The following PIK3CA variants were observed in gnomAD, a reference collection of about 807,000 sequenced individuals.
PIK3CA encodes phosphatidylinositol 4,5-bisphosphate 3-kinase catalytic subunit alpha isoform.
A neutral mutation model predicts 138.2 loss-of-function variants in PIK3CA; 27 were observed. The ratio of observed to expected loss-of-function variants is 0.20; its 90% CI spans 0.14 to 0.27. PIK3CA has a LOEUF of 0.27. Among genes scored for constraint, PIK3CA ranks in the 10% least tolerant of loss-of-function variants. The pLI, the probability that PIK3CA is intolerant of heterozygous loss-of-function variation, is 1.00. For synonymous variants in PIK3CA, 358 were observed against 413.2 expected (o/e 0.87, Z 1.62); for missense variants, 544 against 1,277.4 (o/e 0.43, Z 8.75).
At chr3:179,226,071 G>A (rs1216114680) in intron 17 of PIK3CA, 31 bp downstream of exon 17, 2 of 1,215,394 alleles carry the variant, frequency 1.6e-6, no homozygotes, top group East Asian at 2.3e-5. Flanking sequence ...CCTGTATGTT[G>A]AAAGTTATCC....
rs535486192 is a variant in PIK3CA, at chr3:179,217,538, A to T, written c.1540-672A>T. 2.0e-5 allele frequency among the ~76,000 whole-genome samples: 3 copies of T among 152,214 alleles called. No individual in the cohort carries two copies. In the South Asian group the frequency reaches 6.2e-4, roughly 32 times the overall value. ...TTTTTAGCCTTTTAAAAATATATGT[A>T]ACCCATCCTAAGGGGTTTATATTTG... On this transcript the variant is annotated intron_variant, in intron 9 of 20. Transcript: ENST00000263967.
chr3:179,162,315 A>G lies in PIK3CA; in HGVS notation c.-77+13712A>G, dbSNP rs76824159. On this transcript the variant is annotated intron_variant, in intron 1 of 20. Coordinates refer to ENST00000263967, the MANE Select transcript of PIK3CA (RefSeq NM_006218.4). ...ATTTCTACTTGTAGAAATTATCTACAAGTAGATAAACACATTATCTAAACA... is the reference window on the plus strand; with the variant it reads ...ATTTCTACTTGTAGAAATTATCTACGAGTAGATAAACACATTATCTAAACA... 1.4e-4 allele frequency among the ~76,000 whole-genome samples: 21 copies of G among 152,222 alleles called. 1 individual carries two copies. In the East Asian group the frequency reaches 3.7e-3, roughly 27 times the overall value.
rs541321170 is a variant in PIK3CA at position 179,234,915 on chromosome 3, G to A, written c.*551G>A. The A allele has an allele frequency of 4.4e-6, 1 of 227,412 alleles. No homozygotes were observed. Among genetic ancestry groups the A allele is most frequent in the African/African-American group, 2.2e-5 (1 of 45,032 alleles). 14.1% of individuals were successfully genotyped at this position (227,412 alleles called of 1,614,324 possible). A position where few individuals can be genotyped will look rare whatever the true frequency, so the allele number is the denominator to read the frequency against. ...GACTGCTTGTTTAATGAAGAAAAATGCTTGGGGTGGAAGGGACTCTTGAGA... is the reference window on the plus strand; with the variant it reads ...GACTGCTTGTTTAATGAAGAAAAATACTTGGGGTGGAAGGGACTCTTGAGA... On this transcript the variant is annotated 3_prime_UTR_variant, in exon 21 of 21. Coordinates refer to ENST00000263967, the MANE Select transcript of PIK3CA (RefSeq NM_006218.4). This position sits in a 1 kb window ranked among gnomAD's most constrained non-coding sequence, Gnocchi z 5.1.
intron 1 of PIK3CA, among the ~76,000 whole-genome samples, chr3:179,182,954 C>G (rs1723885761): frequency 6.6e-6 from 1 of 152,196 alleles, no homozygotes; most frequent in African/African-American, 2.4e-5. Flanking sequence ...GCTTACATGA[C>G]TTCACATTGT....
At chr3:179,170,926 T>A (rs753528095) in intron 1 of PIK3CA, among the ~76,000 whole-genome samples, 3 of 152,082 alleles carry the variant, frequency 2.0e-5, no homozygotes, top group Non-Finnish European at 4.4e-5. Context: ...AAGACAGGAA[T>A]AAAGCAATCA....
chr3:179,186,039 T>G (rs1298955388), intron 1 of PIK3CA, among the ~76,000 whole-genome samples: 2 of 152,196 alleles, frequency 1.3e-5, no homozygotes, highest in Non-Finnish European at 2.9e-5. Context: ...AAAGCCCCAG[T>G]TCTTTAATCT....
At chr3:179,164,548 A>G (rs921757684) in intron 1 of PIK3CA, among the ~76,000 whole-genome samples, 1 of 152,174 alleles carries the variant, frequency 6.6e-6, no homozygotes, top group Non-Finnish European at 1.5e-5. Context: ...TAATTTAATA[A>G]TATCATTACT....
intron 1 of PIK3CA, among the ~76,000 whole-genome samples, chr3:179,190,126 T>C (rs1463991675): frequency 2.0e-5 from 3 of 152,184 alleles, no homozygotes; most frequent in Non-Finnish European, 4.4e-5. Flanking sequence ...CCAAATGGTC[T>C]CTTGAGTGCT....
At chr3:179,164,894 GA>G (rs1356609927) in intron 1 of PIK3CA, among the ~76,000 whole-genome samples, 1 of 151,652 alleles carries the variant, frequency 6.6e-6, no homozygotes, top group African/African-American at 2.4e-5. Context: ...AAAGAAAAAA[GA>G]AATTTCTGCT....
intron 1 of PIK3CA, among the ~76,000 whole-genome samples, chr3:179,151,708 A>G (rs1723018387): frequency 6.6e-6 from 1 of 152,152 alleles, no homozygotes; most frequent in Non-Finnish European, 1.5e-5. Flanking sequence ...CTACTCCTGC[A>G]GCTCCCTTGG....
intron 1 of PIK3CA, among the ~76,000 whole-genome samples, chr3:179,193,201 T>C (rs1471465385): frequency 2.6e-5 from 4 of 152,292 alleles, no homozygotes; most frequent in African/African-American, 9.6e-5. Context: ...TACAGTAACT[T>C]TTAACAGTAA....
intron 1 of PIK3CA, among the ~76,000 whole-genome samples, chr3:179,179,166 A>G (rs1414888722): frequency 1.3e-5 from 2 of 152,250 alleles, no homozygotes; most frequent in Non-Finnish European, 2.9e-5. Context: ...CTGCAAGTTT[A>G]CAACCTAGCA....
chr3:179,187,565 A>C (rs1724021436), intron 1 of PIK3CA, among the ~76,000 whole-genome samples: 3 of 150,168 alleles, frequency 2.0e-5, no homozygotes, highest in Non-Finnish European at 3.0e-5. Flanking sequence ...AAAGAGAGAA[A>C]CGGATCCTTT....
chr3:179,236,779 T>G lies in PIK3CA; in HGVS notation c.*2415T>G, dbSNP rs1725340978. 9.3e-6 allele frequency: 2 copies of G among 214,666 alleles called. No individual in the cohort carries two copies. Among genetic ancestry groups the G allele is most frequent in the East Asian group, 1.4e-4 (2 of 14,242 alleles). The allele number at this position is 214,666 out of a possible 1,614,324, so 13.3% of individuals were successfully genotyped here. On this transcript the variant is annotated 3_prime_UTR_variant, in exon 21 of 21. Transcript: ENST00000263967. The stretch of plus-strand genomic sequence containing the variant: ...ATGTAGACAAATTCTATAAAGACTA[T>G]AGATTGTGACCTAAGAAAGAAATGA...
chr3:179,152,120 T>C (rs1723028323), intron 1 of PIK3CA, among the ~76,000 whole-genome samples: 1 of 152,224 alleles, frequency 6.6e-6, no homozygotes, highest in Non-Finnish European at 1.5e-5. Flanking sequence ...GTTTTTATTC[T>C]TGCCAATTTC....
chr3:179,224,907 G>A (rs1725048606), intron 16 of PIK3CA, 86 bp downstream of exon 16: 2 of 934,072 alleles, frequency 2.1e-6, no homozygotes, highest in Non-Finnish European at 3.2e-6. Context: ...GAAAACTACT[G>A]AAAGCCATTT....
At chr3:179,166,496 T>C (rs1202110504) in intron 1 of PIK3CA, among the ~76,000 whole-genome samples, 1 of 126,834 alleles carries the variant, frequency 7.9e-6, no homozygotes, top group South Asian at 2.1e-4. Context: ...CCTATTCCTC[T>C]AGGGTATGAA....
chr3:179,213,970 T>A (rs897217963), intron 9 of PIK3CA, among the ~76,000 whole-genome samples: 2 of 152,220 alleles, frequency 1.3e-5, no homozygotes, highest in Non-Finnish European at 2.9e-5. Context: ...AGCTTCAAAC[T>A]TTTCCTCTGA....
intron 20 of PIK3CA, among the ~76,000 whole-genome samples, chr3:179,231,058 C>T (rs1639244540): frequency 6.6e-6 from 1 of 152,132 alleles, no homozygotes; most frequent in African/African-American, 2.4e-5. Context: ...CTCCCACTTA[C>T]AAGTGAGAAC....
Sources: gnomAD v4.1 joint callset for allele counts (sites outside exome capture counted in the v4.1 genomes callset) on GRCh38, gnomAD v4.1.1 for gene constraint, Gnocchi (gnomAD v3.1) non-coding constraint, MANE v1.5 for transcripts, NCBI Gene and HGNC (gene_info 2026-07-23, HGNC 2026-07-21) for gene names.